The following NUSAP1 variants were observed in gnomAD, a reference collection of about 807,000 sequenced individuals.
The protein encoded by NUSAP1 is nucleolar and spindle associated protein 1.
In NUSAP1, 32 loss-of-function variants were observed where a neutral mutation model predicts 52.8. That is an observed-to-expected ratio of 0.61 (90% confidence interval 0.46 to 0.81). NUSAP1 has a LOEUF of 0.81. Among genes scored for constraint, NUSAP1 ranks in the 40% least tolerant of loss-of-function variants. NUSAP1 has a pLI of 0.00. For missense variants in NUSAP1, 499 were observed against 522.3 expected (o/e 0.96, Z 0.43); for synonymous variants, 195 against 183.1 (o/e 1.06, Z -0.52).
chr15:41,337,206 A>G (rs908447619), intron 1 of NUSAP1, among the ~76,000 whole-genome samples: 1 of 151,438 alleles, frequency 6.6e-6, no homozygotes, highest in African/African-American at 2.4e-5. Context: ...TTTAGTAGAG[A>G]TGAGGTCTGA....
chr15:41,369,552 G>A (rs901792533), intron 7 of NUSAP1, among the ~76,000 whole-genome samples: 1 of 151,922 alleles, frequency 6.6e-6, no homozygotes, highest in African/African-American at 2.4e-5. Flanking sequence ...GGAGGCTGAG[G>A]CAAGAGAATC....
chr15:41,344,233 G>GCT (rs2048473396), intron 2 of NUSAP1: 1 of 139,218 alleles, frequency 7.2e-6, no homozygotes, highest in African/African-American at 2.7e-5. Context: ...AAAAAAAAAA[G>GCT]AAACAACAAC....
intron 8 of NUSAP1, among the ~76,000 whole-genome samples, chr15:41,373,448 CTTTTTTTTTT>C (rs763340655): frequency 1.9e-4 from 22 of 117,286 alleles, no homozygotes; most frequent in Non-Finnish European, 3.3e-4. Flanking sequence ...AATTCATATT[CTTTTTTTTTT>C]TTTTTTTTTG....
intron 10 of NUSAP1, among the ~76,000 whole-genome samples, chr15:41,377,905 G>A (rs1170711607): frequency 1.3e-5 from 2 of 151,702 alleles, no homozygotes; most frequent in Non-Finnish European, 2.9e-5. Flanking sequence ...GGAGACTGAG[G>A]CAGGAACCTG....
intron 1 of NUSAP1, among the ~76,000 whole-genome samples, chr15:41,341,136 G>T (rs1476383820): frequency 2.0e-5 from 3 of 152,140 alleles, no homozygotes; most frequent in Non-Finnish European, 4.4e-5. Context: ...CATCTCCTCG[G>T]CTCACTGCAA....
At chr15:41,335,735 C>T (rs988795422) in intron 1 of NUSAP1, among the ~76,000 whole-genome samples, 4 of 137,908 alleles carry the variant, frequency 2.9e-5, no homozygotes, top group South Asian at 2.3e-4. Flanking sequence ...ATATTTATAC[C>T]GGTATAATAT....
At chr15:41,338,312 G>A (rs1198933855) in intron 1 of NUSAP1, among the ~76,000 whole-genome samples, 1 of 152,048 alleles carries the variant, frequency 6.6e-6, no homozygotes, top group African/African-American at 2.4e-5. Flanking sequence ...TCTCTCCCCT[G>A]GGATGCTGAC....
chr15:41,375,910 AC>A lies in NUSAP1; in HGVS notation c.1123+83del, dbSNP rs1446012676. On this transcript the variant is annotated intron_variant, in intron 9 of 10. Coordinates refer to ENST00000559596, the MANE Select transcript of NUSAP1 (RefSeq NM_016359.5). ...GCAGTGGCTCACACCTACTAAACAT[AC>A]AAAAATTAGCCAGGCGTGGTGGCAG... is the stretch of plus-strand genomic sequence containing the variant. 2.4e-4 allele frequency: 227 copies of A among 938,568 alleles called. 1 individual carries two copies. Among genetic ancestry groups the A allele is most frequent in the Non-Finnish European group, 5.3e-5 (31 of 584,770 alleles). 58.1% of individuals were successfully genotyped at this position (938,568 alleles called of 1,614,324 possible). A position where few individuals can be genotyped will look rare whatever the true frequency, so the allele number is the denominator to read the frequency against.
rs192487959 is a variant in NUSAP1 at position 41,378,778 on chromosome 15, A to G, written c.1233-1315A>G. Among the ~76,000 whole-genome samples, 645 of 151,594 alleles carry G rather than the reference A, an allele frequency of 4.3e-3. 3 individuals are homozygous for G. Among genetic ancestry groups the G allele is most frequent in the African/African-American group, 0.015 (615 of 41,094 alleles). On this transcript the variant is annotated intron_variant, in intron 10 of 10. Transcript: ENST00000559596. ...AGAGCAAAACTCCGTCTCAAAAAAG[A>G]AAAAAGAAATCAAAGTCAAAGGTCA...
chr15:41,365,343 G>C (rs2049351597), intron 6 of NUSAP1, 59 bp from the exon 7 acceptor site: 1 of 1,397,636 alleles, frequency 7.2e-7, no homozygotes, highest in African/African-American at 1.4e-5. Context: ...TTTTAGTAGA[G>C]ATGGGGTTTC....
chr15:41,342,967 CTG>C (rs2048420181), intron 2 of NUSAP1: 1 of 153,272 alleles, frequency 6.5e-6, no homozygotes. Flanking sequence ...GCCAAGTAAT[CTG>C]TTGAATAACA....
intron 2 of NUSAP1, among the ~76,000 whole-genome samples, 155 bp from the exon 3 acceptor site, chr15:41,348,941 CTA>C (rs1453998221): frequency 6.6e-6 from 1 of 152,166 alleles, no homozygotes; most frequent in Non-Finnish European, 1.5e-5. Context: ...CCTAAATACT[CTA>C]TAATTCTTGT....
Position 41,332,969 on chromosome 15 carries a change from C to T in NUSAP1, c.12C>T (p.Pro4=), listed in dbSNP as rs201510924. 7,625 of 1,610,438 alleles carry T rather than the reference C, an allele frequency of 4.7e-3. 31 individuals carry two copies. The highest frequency in any genetic ancestry group is 5.4e-3 in the Non-Finnish European group (6,307 of 1,178,174). Reference sequence around the variant, plus strand: ...GATTTCGAATCGCGATGATCATCCCCTCTCTAGAGGAGCTGGACTCCCTCA... The same window carrying T: ...GATTTCGAATCGCGATGATCATCCCTTCTCTAGAGGAGCTGGACTCCCTCA... MII[P]SLEELDSLKY... Residue 4 remains proline, a synonymous_variant, in exon 1 of 11, where the codon CCC becomes CCT. Transcript: ENST00000559596.
At chr15:41,364,959 G>C (rs2049328096) in intron 6 of NUSAP1, among the ~76,000 whole-genome samples, 1 of 152,108 alleles carries the variant, frequency 6.6e-6, no homozygotes, top group South Asian at 2.1e-4. Context: ...ACTGGAAATT[G>C]CTCTTTATAA....
intron 8 of NUSAP1, among the ~76,000 whole-genome samples, chr15:41,372,562 A>C (rs1478574280): frequency 6.6e-6 from 1 of 152,172 alleles, no homozygotes; most frequent in Non-Finnish European, 1.5e-5. Flanking sequence ...GGATTGGAAA[A>C]TATGCAGACA....
Position 41,365,494 on chromosome 15 carries a change from G to A in NUSAP1, c.753G>A (p.Ser251=), listed in dbSNP as rs369016183. The A allele has an allele frequency of 2.4e-5, 39 of 1,612,364 alleles. No homozygotes were observed. The highest frequency in any genetic ancestry group is 1.1e-4 in the African/African-American group (8 of 74,884). ...CTACTCCCATCAGCCAACGACGCTC[G>A]CAAGGCCGGTCTTGTGGCCCTGCAA... ...VASTPISQRR[S]QGRSCGPASQ... is the part of the protein sequence containing the mutation. The change falls in exon 7 of 11, where the codon TCG becomes TCA. Residue 251 remains serine (S), a synonymous_variant. Transcript: ENST00000559596.
At chr15:41,369,789 C>T (rs2049588229) in intron 7 of NUSAP1, among the ~76,000 whole-genome samples, 1 of 152,032 alleles carries the variant, frequency 6.6e-6, no homozygotes, top group Non-Finnish European at 1.5e-5. Flanking sequence ...CAAATTAGAC[C>T]AGGCATGGTG....
At chr15:41,353,783 C>CT (rs1373297252) in intron 4 of NUSAP1, among the ~76,000 whole-genome samples, 2 of 152,148 alleles carry the variant, frequency 1.3e-5, no homozygotes, top group African/African-American at 2.4e-5. Flanking sequence ...ATACGGGGCC[C>CT]TTTATGGTTT....
intron 2 of NUSAP1, chr15:41,345,637 T>G: frequency 3.6e-6 from 1 of 279,462 alleles, no homozygotes; most frequent in South Asian, 2.8e-5. Flanking sequence ...TTGTGTATTT[T>G]TAGTAGAGAC....
Sources: gnomAD v4.1 joint callset for allele counts (sites outside exome capture counted in the v4.1 genomes callset) on GRCh38, gnomAD v4.1.1 for gene constraint, MANE v1.5 for transcripts, NCBI Gene and HGNC (gene_info 2026-07-23, HGNC 2026-07-21) for gene names.